Variants in B3GALT1 observed in about 807,000 individuals in gnomAD.
B3GALT1 encodes beta-1,3-galactosyltransferase 1.
In B3GALT1, 10 loss-of-function variants were observed where a neutral mutation model predicts 23.2. The ratio of observed to expected loss-of-function variants is 0.43; its 90% CI spans 0.27 to 0.73. The LOEUF (loss-of-function observed/expected upper bound fraction) is 0.73, where lower values mean the gene tolerates loss of function less well. Among genes scored for constraint, B3GALT1 ranks in the 30% least tolerant of loss-of-function variants. B3GALT1 has a pLI of 0.21. For missense variants in B3GALT1, 299 were observed against 405.4 expected (o/e 0.74, Z 2.25); for synonymous variants, 156 against 141.5 (o/e 1.10, Z -0.73).
At chr2:167,351,691 A>G (rs1045718868) in intron 1 of B3GALT1, among the ~76,000 whole-genome samples, 2 of 152,198 alleles carry the variant, frequency 1.3e-5, no homozygotes, top group Non-Finnish European at 2.9e-5. Context: ...AGAAAATAAG[A>G]TGGAATTTAA....
At chr2:167,644,036 A>G (rs189483084) in intron 2 of B3GALT1, among the ~76,000 whole-genome samples, 75 of 152,346 alleles carry the variant, frequency 4.9e-4, no homozygotes, top group African/African-American at 1.7e-3. Flanking sequence ...ATACAACCCA[A>G]AATTAAAAAG....
Position 167,824,360 on chromosome 2 carries a change from T to C in B3GALT1, c.-230+5567T>C, listed in dbSNP as rs112947940. ...AGAAATTTAGAGGACAGACTGAGAA[T>C]AGGCAGCTACTTGCAACTTGCAACT... On this transcript the variant is annotated intron_variant, in intron 4 of 4. Transcript: ENST00000392690. Among the ~76,000 whole-genome samples, 46 of 152,302 alleles carry C rather than the reference T, an allele frequency of 3.0e-4. 1 individual carries two copies. Among genetic ancestry groups the C allele is most frequent in the African/African-American group, 1.1e-3 (46 of 41,552 alleles).
intron 1 of B3GALT1, among the ~76,000 whole-genome samples, chr2:167,352,914 AATG>A (rs968174393): frequency 2.0e-5 from 3 of 152,192 alleles, no homozygotes; most frequent in African/African-American, 7.2e-5. Flanking sequence ...ATCTTAGGAT[AATG>A]ATAATGAGAC....
chr2:167,538,820 G>A (rs888559566), intron 2 of B3GALT1, among the ~76,000 whole-genome samples: 1 of 152,072 alleles, frequency 6.6e-6, no homozygotes, highest in African/African-American at 2.4e-5. Context: ...ATACTTAACT[G>A]TGTCTTCTTA....
rs139977681 is a variant in B3GALT1 at position 167,485,452 on chromosome 2, T to A, written c.-510-4725T>A. On this transcript the variant is annotated intron_variant, in intron 1 of 4. Coordinates refer to ENST00000392690, the MANE Select transcript of B3GALT1 (RefSeq NM_020981.4). ...CCCAAAGTCAGATGTTCAGTCAATA[T>A]TTATGGAACGTGTCCTAGTCATTCT... Among the ~76,000 whole-genome samples, 81 of 152,306 alleles carry A rather than the reference T, an allele frequency of 5.3e-4. No individual in the cohort carries two copies. The East Asian group carries it at 0.015, about 28-fold the overall frequency.
At chr2:167,820,017 C>T (rs961918551) in intron 4 of B3GALT1, among the ~76,000 whole-genome samples, 5 of 152,084 alleles carry the variant, frequency 3.3e-5, no homozygotes, top group South Asian at 2.1e-4. Context: ...ACAGCCTAAA[C>T]GGGTGGACAC....
chr2:167,736,006 T>G (rs1290110546), intron 3 of B3GALT1, among the ~76,000 whole-genome samples: 1 of 152,180 alleles, frequency 6.6e-6, no homozygotes, highest in African/African-American at 2.4e-5. Flanking sequence ...GCAGAAATTC[T>G]CTGAAGCAAA....
chr2:167,707,947 A>C (rs2105515590), intron 3 of B3GALT1, among the ~76,000 whole-genome samples: 1 of 152,346 alleles, frequency 6.6e-6, no homozygotes, highest in East Asian at 1.9e-4. Context: ...AAATTGGTTC[A>C]AACATCATGC....
chr2:167,803,553 T>G (rs896092408), intron 3 of B3GALT1, among the ~76,000 whole-genome samples: 1 of 152,176 alleles, frequency 6.6e-6, no homozygotes, highest in Admixed American at 6.5e-5. Flanking sequence ...ATCTGCAGTC[T>G]TCCAGGTAAG....
rs1420906916 is a variant in B3GALT1 at position 167,293,154 on chromosome 2, C to G, written c.-691C>G. The G allele has an allele frequency of 1.3e-5, 2 of 151,456 alleles. No individual in the cohort carries two copies. The highest frequency in any genetic ancestry group is 3.0e-5 in the Non-Finnish European group (2 of 67,794). The allele number at this position is 151,456 out of a possible 1,614,324, so 9.4% of individuals were successfully genotyped here. On this transcript the variant is annotated 5_prime_UTR_variant, in exon 1 of 5. Coordinates refer to ENST00000392690, the MANE Select transcript of B3GALT1 (RefSeq NM_020981.4). ...CCGCCGGCGCTGCCGGTCTTGCAGGCGGCCGCCGGGGAGGGGCGGCCGAGA... is the reference window on the plus strand; with the variant it reads ...CCGCCGGCGCTGCCGGTCTTGCAGGGGGCCGCCGGGGAGGGGCGGCCGAGA...
intron 1 of B3GALT1, among the ~76,000 whole-genome samples, chr2:167,388,812 T>G (rs1388867012): frequency 4.6e-5 from 7 of 152,184 alleles, no homozygotes; most frequent in African/African-American, 7.2e-5. Context: ...CTTGAGAACT[T>G]CTGTACTATA....
At chr2:167,428,392 C>A (rs1273802400) in intron 1 of B3GALT1, among the ~76,000 whole-genome samples, 1 of 152,106 alleles carries the variant, frequency 6.6e-6, no homozygotes, top group Non-Finnish European at 1.5e-5. Context: ...ATTAAGTGGA[C>A]AAGATCCCAT....
chr2:167,587,622 G>A (rs1684604513), intron 2 of B3GALT1, among the ~76,000 whole-genome samples: 1 of 152,134 alleles, frequency 6.6e-6, no homozygotes, highest in South Asian at 2.1e-4. Context: ...CTTCAGCGTT[G>A]ACTTTTTAAC....
chr2:167,439,938 C>T (rs886516220), intron 1 of B3GALT1, among the ~76,000 whole-genome samples: 1 of 149,734 alleles, frequency 6.7e-6, no homozygotes, highest in Admixed American at 6.6e-5. Flanking sequence ...TACATTATAA[C>T]AATTATTTGG....
chr2:167,617,650 C>T (rs116296225), intron 2 of B3GALT1, among the ~76,000 whole-genome samples: 5,257 of 152,144 alleles, frequency 0.035, 127 homozygotes, highest in Non-Finnish European at 0.056. Context: ...TAGTTAACTA[C>T]ATTCTTTTAT....
At chr2:167,858,525 A>G (rs939883351) in intron 4 of B3GALT1, among the ~76,000 whole-genome samples, 2 of 152,134 alleles carry the variant, frequency 1.3e-5, no homozygotes. Context: ...AGTATTTTCA[A>G]ATACGTTATC....
At chr2:167,424,579 G>T (rs1212942747) in intron 1 of B3GALT1, among the ~76,000 whole-genome samples, 15 of 152,000 alleles carry the variant, frequency 9.9e-5, no homozygotes, top group Admixed American at 8.5e-4. Flanking sequence ...GTGTGTGTTT[G>T]TGTTTGTGTG....
At chr2:167,374,907 A>G (rs1697739839) in intron 1 of B3GALT1, among the ~76,000 whole-genome samples, 1 of 152,020 alleles carries the variant, frequency 6.6e-6, no homozygotes, top group Admixed American at 6.6e-5. Context: ...TTAGTCATAA[A>G]TTGTTTCCTC....
intron 2 of B3GALT1, among the ~76,000 whole-genome samples, chr2:167,568,248 T>C (rs1684212197): frequency 6.6e-6 from 1 of 152,096 alleles, no homozygotes; most frequent in Non-Finnish European, 1.5e-5. Context: ...GCATAATTGC[T>C]CGTAGATACC....
Sources: allele counts gnomAD v4.1 joint callset (sites outside exome capture counted in the v4.1 genomes callset), GRCh38; gene constraint gnomAD v4.1.1; transcripts MANE v1.5; gene names NCBI Gene and HGNC (gene_info 2026-07-23, HGNC 2026-07-21).